TTC6: variants seen among roughly 807,000 people sequenced by gnomAD.
TTC6 encodes tetratricopeptide repeat protein 6.
In TTC6, 172 loss-of-function variants were observed where a neutral mutation model predicts 210.4. The ratio of observed to expected loss-of-function variants is 0.82; its 90% CI spans 0.72 to 0.93. The LOEUF is 0.93. Among genes scored for constraint, TTC6 ranks in the 40% least tolerant of loss-of-function variants. The pLI, the probability that TTC6 is intolerant of heterozygous loss-of-function variation, is 0.00. For synonymous variants in TTC6, 804 were observed against 819.6 expected, an observed-to-expected ratio of 0.98 and a Z score of 0.32; for missense variants, 2,414 against 2,318.1, an observed-to-expected ratio of 1.04 and a Z score of -0.85.
intron 10 of TTC6, among the ~76,000 whole-genome samples, chr14:37,748,257 T>G (rs2095941862): frequency 1.3e-5 from 2 of 152,210 alleles, no homozygotes; most frequent in African/African-American, 4.8e-5. Flanking sequence ...TGTTCAGCAC[T>G]AGGTATTTCT....
chr14:37,828,141 A>G (rs1016024531), intron 29 of TTC6, among the ~76,000 whole-genome samples: 12 of 151,946 alleles, frequency 7.9e-5, no homozygotes, highest in African/African-American at 2.9e-4. Flanking sequence ...TGACACCTTA[A>G]TCTCTTTGGA....
chr14:37,597,387 C>T (rs1379978349), intron 1 of TTC6, among the ~76,000 whole-genome samples: 1 of 151,786 alleles, frequency 6.6e-6, no homozygotes, highest in Non-Finnish European at 1.5e-5. Context: ...TATTTTCTAC[C>T]GAGAGTAACA....
intron 14 of TTC6, among the ~76,000 whole-genome samples, chr14:37,786,651 A>G (rs1277416987): frequency 6.6e-6 from 1 of 152,182 alleles, no homozygotes; most frequent in African/African-American, 2.4e-5. Flanking sequence ...ACTGTCCGAC[A>G]AGCCCCAGTG....
intron 20 of TTC6, among the ~76,000 whole-genome samples, chr14:37,801,834 G>A (rs1469444571): frequency 6.6e-6 from 1 of 152,178 alleles, no homozygotes; most frequent in African/African-American, 2.4e-5. Flanking sequence ...AGACGGTTTG[G>A]CGATTCCTCA....
At chr14:37,742,584 A>ATT (rs35369139) in intron 10 of TTC6, among the ~76,000 whole-genome samples, 83,224 of 145,752 alleles carry the variant, frequency 0.57, 24,365 homozygotes, top group East Asian at 0.88. Flanking sequence ...TAATTTTTGC[A>ATT]TTTTTTTTTT....
At chr14:37,780,282 A>G (rs34099547) in intron 14 of TTC6, among the ~76,000 whole-genome samples, 5,078 of 152,296 alleles carry the variant, frequency 0.033, 138 homozygotes, top group Non-Finnish European at 0.052. Context: ...ATGTTCACAT[A>G]GGCACATTTT....
At chr14:37,680,538 G>T (rs1203365337) in intron 2 of TTC6, among the ~76,000 whole-genome samples, 1 of 152,134 alleles carries the variant, frequency 6.6e-6, no homozygotes. Flanking sequence ...GATCTAGAAG[G>T]TAGGTGGATA....
chr14:37,702,499 A>C (rs1320728365), intron 5 of TTC6, among the ~76,000 whole-genome samples: 1 of 152,174 alleles, frequency 6.6e-6, no homozygotes, highest in Non-Finnish European at 1.5e-5. Flanking sequence ...CCTGGGAGGG[A>C]TATCACCTGC....
At chr14:37,661,790 T>G (rs1398625966) in intron 1 of TTC6, among the ~76,000 whole-genome samples, 1 of 152,242 alleles carries the variant, frequency 6.6e-6, no homozygotes, top group Admixed American at 6.5e-5. Flanking sequence ...ATATTGATTC[T>G]TCTTATGAGC....
At chr14:37,808,580 A>G (rs2096123335) in intron 23 of TTC6, among the ~76,000 whole-genome samples, 153 bp from the exon 26 acceptor site, 1 of 152,140 alleles carries the variant, frequency 6.6e-6, no homozygotes, top group Non-Finnish European at 1.5e-5. Context: ...AACTCTGTGA[A>G]AGATTAGCTT....
chr14:37,822,317 C>T (rs1031423018), intron 26 of TTC6, among the ~76,000 whole-genome samples: 5 of 151,858 alleles, frequency 3.3e-5, no homozygotes, highest in Non-Finnish European at 5.9e-5. Context: ...GTAGGTGGAA[C>T]CTGGGGCAAC....
At chr14:37,600,253 T>C (rs2095613050) in intron 1 of TTC6, among the ~76,000 whole-genome samples, 1 of 152,130 alleles carries the variant, frequency 6.6e-6, no homozygotes, top group African/African-American at 2.4e-5. Flanking sequence ...GCTGCTCCTG[T>C]GTGCAAGAGC....
chr14:37,753,629 C>T (rs774471775), intron 14 of TTC6, among the ~76,000 whole-genome samples: 44 of 152,114 alleles, frequency 2.9e-4, no homozygotes, highest in Non-Finnish European at 2.9e-5. Flanking sequence ...GGTGCAGTGA[C>T]GCAGTCATGG....
intron 1 of TTC6, among the ~76,000 whole-genome samples, chr14:37,657,674 A>G (rs1380046411): frequency 6.6e-6 from 1 of 152,232 alleles, no homozygotes; most frequent in African/African-American, 2.4e-5. Flanking sequence ...TTAATAAAAA[A>G]TCAAGTTAAA....
Position 37,597,544 on chromosome 14 carries a change from CAA to C in TTC6, c.-235+1547_-235+1548del, listed in dbSNP as rs33958559. Among the ~76,000 whole-genome samples the C allele has an allele frequency of 7.5e-3, 1,120 of 148,874 alleles. 7 individuals are homozygous for C. Among genetic ancestry groups the C allele is most frequent in the Middle Eastern group, 0.041 (12 of 290 alleles). Reference sequence around the variant, plus strand: ...CCAAACCTACTAAGTCTCATATTTTCAAAAAAAAAAAATTGACTTAAGAAAAA... The same window carrying C: ...CCAAACCTACTAAGTCTCATATTTTCAAAAAAAAAATTGACTTAAGAAAAA... On this transcript the variant is annotated intron_variant, in intron 1 of 2. Coordinates refer to the TTC6 transcript ENST00000556845.
At chr14:37,826,099 C>T (rs2096170604) in intron 27 of TTC6, 96 bp from the exon 30 acceptor site, 1 of 1,258,690 alleles carries the variant, frequency 7.9e-7, no homozygotes, top group Admixed American at 2.6e-5. Context: ...CATAAATATA[C>T]CCTTACTAAA....
chr14:37,796,916 C>A, exon 20 of TTC6: 1 of 1,602,676 alleles, frequency 6.2e-7, no homozygotes, highest in South Asian at 1.1e-5. Context: ...GCTCTATTAG[C>A]AAAAGTTCAA....
chr14:37,771,681 T>C (rs1022385754), intron 14 of TTC6, among the ~76,000 whole-genome samples: 3 of 152,172 alleles, frequency 2.0e-5, no homozygotes, highest in African/African-American at 4.8e-5. Context: ...TTCTCTGTAT[T>C]GGTTATTCTA....
chr14:37,745,883 G>A (rs1187003839), intron 10 of TTC6, among the ~76,000 whole-genome samples: 1 of 152,110 alleles, frequency 6.6e-6, no homozygotes, highest in Non-Finnish European at 1.5e-5. Context: ...AGAGGTTTTG[G>A]ACTATGAACT....
Sources: allele counts gnomAD v4.1 joint callset (sites outside exome capture counted in the v4.1 genomes callset), GRCh38; gene constraint gnomAD v4.1.1; transcripts MANE v1.5; gene names NCBI Gene and HGNC (gene_info 2026-07-23, HGNC 2026-07-21).